Variants in DDX60L observed in about 807,000 individuals in gnomAD.
DDX60L encodes probable ATP-dependent RNA helicase DDX60-like.
Under a neutral mutation model 211.6 loss-of-function variants are expected in DDX60L, and 191 were observed. That is an observed-to-expected ratio of 0.90 (90% CI 0.80 to 1.02). The LOEUF (loss-of-function observed/expected upper bound fraction) is 1.02. DDX60L is among the 50% of genes least tolerant of loss of function. DDX60L has a pLI of 0.00. For synonymous variants in DDX60L, 706 were observed against 694.1 expected, an observed-to-expected ratio of 1.02 and a Z score of -0.27; for missense variants, 2,007 against 1,984.1, an observed-to-expected ratio of 1.01 and a Z score of -0.22.
intron 28 of DDX60L, among the ~76,000 whole-genome samples, chr4:168,392,712 A>G (rs950898902): frequency 1.3e-5 from 2 of 151,952 alleles, no homozygotes; most frequent in African/African-American, 4.8e-5. Context: ...GCATGGTGGC[A>G]CATGCCTGTA....
intron 37 of DDX60L, among the ~76,000 whole-genome samples, chr4:168,358,873 A>T (rs1738625777): frequency 6.6e-6 from 1 of 152,154 alleles, no homozygotes; most frequent in East Asian, 1.9e-4. Context: ...AAGACCACAG[A>T]ATTCCATATT....
Position 168,375,500 on chromosome 4 carries a change from C to A in DDX60L, c.4510G>T (p.Asp1504Tyr). The change falls in exon 34 of 38, where the codon GAT (aspartate) becomes TAT (tyrosine). Residue 1504 changes from aspartate (D) to tyrosine (Y), a missense_variant. Coordinates refer to ENST00000682922, the MANE Select transcript of DDX60L (RefSeq NM_001012967.3). The part of the protein sequence containing the change: ...SKVILAELPE[D>Y]FKAALYEYNL... ...TACTCATATAAAGCAGCTTTAAAAT[C>A]CTCCGGGAGTTCGGCAAGGATCACC... 6.2e-7 allele frequency: 1 copy of A among 1,610,648 alleles called. No individual in the cohort carries two copies. The highest frequency in any genetic ancestry group is 1.7e-4 in the Middle Eastern group (1 of 6,050).
At position 168,375,539 on chromosome 4, in the gene DDX60L, C is replaced by G; in HGVS notation, c.4486-15G>C. ...GCAAGGATCACCTATGGGCGAAATA[C>G]ATTTCAGAAAGATCTCTTTACTTTT... On this transcript the variant is annotated splice_polypyrimidine_tract_variant and intron_variant, in intron 33 of 37. Coordinates refer to ENST00000682922, the MANE Select transcript of DDX60L (RefSeq NM_001012967.3). 6.4e-7 allele frequency: 1 copy of G among 1,572,374 alleles called. No homozygotes were observed. Among genetic ancestry groups the G allele is most frequent in the Non-Finnish European group, 8.6e-7 (1 of 1,162,506 alleles).
chr4:168,371,523 G>T, intron 36 of DDX60L, 89 bp downstream of exon 36: 3 of 534,796 alleles, frequency 5.6e-6, no homozygotes, highest in Non-Finnish European at 5.8e-6. Context: ...TAAATTATAT[G>T]CTGTTACATA....
chr4:168,416,596 A>G (rs1251938346), intron 20 of DDX60L, 86 bp downstream of exon 20: 18 of 715,534 alleles, frequency 2.5e-5, no homozygotes. Flanking sequence ...TTATCATAGA[A>G]AAAACCTTAA....
chr4:168,366,928 CATTAT>C (rs1171854822), intron 36 of DDX60L, among the ~76,000 whole-genome samples: 2 of 151,524 alleles, frequency 1.3e-5, no homozygotes, highest in Admixed American at 6.6e-5. Flanking sequence ...TATGTTATGC[CATTAT>C]ATTATATGTT....
chr4:168,455,419 T>A (rs776184291), intron 7 of DDX60L, among the ~76,000 whole-genome samples: 2 of 152,052 alleles, frequency 1.3e-5, no homozygotes, highest in Non-Finnish European at 2.9e-5. Context: ...ATAGTCTCAG[T>A]GACACTAATA....
intron 8 of DDX60L, among the ~76,000 whole-genome samples, chr4:168,449,607 G>A (rs1755378006): frequency 2.7e-5 from 1 of 36,760 alleles, no homozygotes; most frequent in Non-Finnish European, 4.6e-5. Flanking sequence ...CTAAAACTTA[G>A]AGTATAATAA....
chr4:168,430,367 T>C lies in DDX60L; in HGVS notation c.1677+111A>G, dbSNP rs1752158757. On this transcript the variant is annotated intron_variant, in intron 13 of 37. Transcript: ENST00000682922. ...CAATGTGAGAATGGACTAAGACAGTTAGCAAACATGAGAAAGAAGAGAATG... is the reference window on the plus strand; with the variant it reads ...CAATGTGAGAATGGACTAAGACAGTCAGCAAACATGAGAAAGAAGAGAATG... 7 of 945,590 alleles carry C rather than the reference T, an allele frequency of 7.4e-6. No individual in the cohort carries two copies. The South Asian group carries it at 1.4e-4, about 19-fold the overall frequency. The allele number at this position is 945,590 out of a possible 1,614,324, so 58.6% of individuals were successfully genotyped here.
At chr4:168,458,063 T>G in intron 5 of DDX60L, 55 bp from the exon 6 acceptor site, 3 of 1,073,318 alleles carry the variant, frequency 2.8e-6, no homozygotes, top group Non-Finnish European at 4.0e-6. Context: ...TTCCCAGCTG[T>G]AAAATATGAG....
chr4:168,441,511 T>G lies in DDX60L; in HGVS notation c.1139-19A>C. On this transcript the variant is annotated intron_variant, in intron 9 of 37. Transcript: ENST00000682922. The stretch of plus-strand genomic sequence containing the variant: ...TGTGGTTCTGCATAACAATAAAAAA[T>G]ATTAAAATCTCAAAAGTCATACACA... 1.3e-6 allele frequency: 2 copies of G among 1,571,298 alleles called. No homozygotes were observed. Among genetic ancestry groups the G allele is most frequent in the Non-Finnish European group, 1.7e-6 (2 of 1,158,188 alleles).
At chr4:168,369,282 T>C (rs1000245544) in intron 36 of DDX60L, among the ~76,000 whole-genome samples, 4 of 152,152 alleles carry the variant, frequency 2.6e-5, no homozygotes, top group Non-Finnish European at 5.9e-5. Context: ...CAAGGTCTGA[T>C]GGTTTTAAAA....
chr4:168,422,590 G>C lies in DDX60L; in HGVS notation c.2178C>G (p.Tyr726Ter). 6.2e-7 allele frequency: 1 copy of C among 1,613,648 alleles called. No individual in the cohort carries two copies. Among genetic ancestry groups the C allele is most frequent in the Non-Finnish European group, 8.5e-7 (1 of 1,179,798 alleles). The change falls in exon 16 of 38, where the codon TAC becomes TAG. Residue 726 changes from tyrosine (Y) to a stop codon, truncating the protein, a stop_gained. Coordinates refer to ENST00000682922, the MANE Select transcript of DDX60L (RefSeq NM_001012967.3). LOFTEE classifies it high-confidence loss of function. ...GATCTTTTCTTTCATCTCTTATCAA[G>C]TAATGGCCCATGTATTGCAGTTGAA... Reference protein sequence around the residue: ...ARFQLQYMGHYLIRDERKDRD... With the variant: ...ARFQLQYMGH
intron 10 of DDX60L, among the ~76,000 whole-genome samples, chr4:168,439,189 A>C (rs1038172533): frequency 1.3e-5 from 2 of 152,196 alleles, no homozygotes; most frequent in African/African-American, 4.8e-5. Flanking sequence ...TCAGTTTTAG[A>C]TGTCAACTTC....
At chr4:168,371,482 T>C (rs1311871740) in intron 36 of DDX60L, 130 bp downstream of exon 36, 5 of 308,922 alleles carry the variant, frequency 1.6e-5, no homozygotes, top group Non-Finnish European at 2.8e-5. Flanking sequence ...AAATATATAA[T>C]ATAAATTTAT....
At position 168,441,404 on chromosome 4, in the gene DDX60L, A is replaced by T. The variant is rs577427793; in HGVS notation, c.1227T>A (p.Val409=). The T allele has an allele frequency of 2.5e-6, 4 of 1,613,252 alleles. No individual in the cohort carries two copies. In the Admixed American group the frequency reaches 5.0e-5, roughly 20 times the overall value. The change falls in exon 10 of 38, where the codon GTT becomes GTA. Residue 409 remains valine (V), a synonymous_variant. Coordinates refer to ENST00000682922, the MANE Select transcript of DDX60L (RefSeq NM_001012967.3). ...TTGTTCTCAGAGGAAAAGACTTTCC[A>T]ACGTTAAATTCTTTAACCAGGTGTG... ...VVSHLVKEFN[V]GKSFPLRTTR...
chr4:168,406,387 G>A (rs1194893720), intron 23 of DDX60L, among the ~76,000 whole-genome samples: 4 of 152,064 alleles, frequency 2.6e-5, no homozygotes, highest in African/African-American at 9.7e-5. Context: ...GCTAAAAGAA[G>A]ACATATTTTT....
rs148578743 is a variant in DDX60L at position 168,464,002 on chromosome 4, T to G, written c.265-1962A>C. ...TCTACTGGAATGTAAATACAATTTCTTCTCAGTTTTGATCCTAAAGTGCTT... is the reference window on the plus strand; with the variant it reads ...TCTACTGGAATGTAAATACAATTTCGTCTCAGTTTTGATCCTAAAGTGCTT... On this transcript the variant is annotated intron_variant, in intron 4 of 37. Transcript: ENST00000682922. 4.0e-3 allele frequency among the ~76,000 whole-genome samples: 603 copies of G among 152,340 alleles called. 2 individuals are homozygous for G. In the Middle Eastern group the frequency reaches 0.048, roughly 12 times the overall value.
intron 14 of DDX60L, among the ~76,000 whole-genome samples, chr4:168,426,009 T>A (rs542527675): frequency 2.6e-5 from 4 of 152,098 alleles, no homozygotes; most frequent in African/African-American, 4.8e-5. Flanking sequence ...CCACAGAAAT[T>A]TGAGGGAGCA....
Sources: allele counts gnomAD v4.1 joint callset (sites outside exome capture counted in the v4.1 genomes callset), GRCh38; gene constraint gnomAD v4.1.1; transcripts MANE v1.5; gene names NCBI Gene and HGNC (gene_info 2026-07-23, HGNC 2026-07-21).